The following TBC1D2 variants were observed in gnomAD, a reference collection of about 807,000 sequenced individuals.
TBC1D2 encodes TBC1 domain family member 2, also known as TBC1 domain family member 2A.
TBC1D2 carries 58 observed loss-of-function variants against 91.1 expected under a neutral mutation model. The observed-to-expected ratio is 0.64, with a 90% CI of 0.52 to 0.79. The LOEUF (loss-of-function observed/expected upper bound fraction) is 0.79, where lower values mean the gene tolerates loss of function less well. Among genes scored for constraint, TBC1D2 ranks in the 30% least tolerant of loss-of-function variants. The pLI, the probability that TBC1D2 is intolerant of heterozygous loss-of-function variation, is 0.00. For synonymous variants in TBC1D2, 482 were observed against 511.5 expected (o/e 0.94, Z 0.78); for missense variants, 1,080 against 1,208.3 (o/e 0.89, Z 1.57).
In TBC1D2 at chr9:98,209,153, A is replaced by C. The variant is rs533677222; in HGVS notation, c.1674-9T>G. ...CGTACTCATCATACTTACTGCCAGC[A>C]AAAGTGCACGTTAGCAACACCTTGC... On this transcript the variant is annotated splice_polypyrimidine_tract_variant and intron_variant, in intron 8 of 12. Coordinates refer to ENST00000465784, the MANE Select transcript of TBC1D2 (RefSeq NM_001267571.2). The C allele has an allele frequency of 6.2e-7, 1 of 1,603,578 alleles. No homozygotes were observed. Among genetic ancestry groups the C allele is most frequent in the East Asian group, 2.2e-5 (1 of 44,566 alleles).
At position 98,203,268 on chromosome 9, in the gene TBC1D2, C is replaced by G. The variant is rs183894637; in HGVS notation, c.2271+20G>C. ...GCACTGCCCTACATGGCTGCAAAGT[C>G]CCCTCCTGGCCCCACTTACCTGGGA... On this transcript the variant is annotated intron_variant, in intron 10 of 12. Transcript: ENST00000465784. The G allele has an allele frequency of 8.8e-5, 142 of 1,613,794 alleles. 2 individuals are homozygous for G. The Admixed American group carries it at 2.3e-3, about 26-fold the overall frequency.
intron 2 of TBC1D2, among the ~76,000 whole-genome samples, chr9:98,246,814 G>A (rs79830520): frequency 0.06 from 9,080 of 152,142 alleles, 340 homozygotes; most frequent in Middle Eastern, 0.13. Context: ...CAGACCCAGA[G>A]CTGAGTTTGC....
intron 5 of TBC1D2, among the ~76,000 whole-genome samples, chr9:98,223,928 G>A (rs1462731087): frequency 1.3e-5 from 2 of 152,174 alleles, no homozygotes; most frequent in Non-Finnish European, 2.9e-5. Context: ...GGCCGGGCGT[G>A]GTGGCTCACG....
At chr9:98,214,883 C>T (rs981738349) in intron 6 of TBC1D2, among the ~76,000 whole-genome samples, 2 of 152,202 alleles carry the variant, frequency 1.3e-5, no homozygotes, top group African/African-American at 4.8e-5. Context: ...TCACCCCTCA[C>T]CACTCCACGG....
chr9:98,218,587 A>T (rs1829024516), intron 6 of TBC1D2, among the ~76,000 whole-genome samples: 1 of 152,142 alleles, frequency 6.6e-6, no homozygotes, highest in Admixed American at 6.5e-5. Flanking sequence ...AATAAAAAAA[A>T]ATAAAATTCC....
chr9:98,224,783 G>C (rs1243449621), intron 5 of TBC1D2, among the ~76,000 whole-genome samples: 1 of 152,132 alleles, frequency 6.6e-6, no homozygotes, highest in African/African-American at 2.4e-5. Flanking sequence ...ATGGGCTTTG[G>C]AGTTGCACAG....
intron 8 of TBC1D2, among the ~76,000 whole-genome samples, chr9:98,209,760 C>CTTCCTTCCTTCT (rs1828773640): frequency 1.5e-5 from 1 of 65,544 alleles, no homozygotes; most frequent in Non-Finnish European, 3.8e-5. Context: ...CCTTCCTTTC[C>CTTCCTTCCTTCT]TTCCTTCCTT....
intron 5 of TBC1D2, among the ~76,000 whole-genome samples, chr9:98,224,448 A>G (rs1214406605): frequency 1.3e-5 from 2 of 151,394 alleles, no homozygotes; most frequent in Non-Finnish European, 2.9e-5. Context: ...TTGCCCAGCT[A>G]ATTATTTTAT....
Position 98,210,731 on chromosome 9 carries a change from C to G in TBC1D2, c.1598G>C (p.Arg533Thr). 2 of 1,592,646 alleles carry G rather than the reference C, an allele frequency of 1.3e-6. No homozygotes were observed. Among genetic ancestry groups the G allele is most frequent in the Non-Finnish European group, 1.7e-6 (2 of 1,169,462 alleles). Residue 533 changes from arginine to threonine, a missense_variant, in exon 8 of 13, where the codon AGG (arginine) becomes ACG (threonine). Transcript: ENST00000465784. ...DEASECSELL[R>T]QLVQEALQWE... ...CTGCAGTGCCTCCTGGACAAGCTGC[C>G]TCAGCAGCTCTGAGCACTCGCTGGC...
chr9:98,210,912 A>AGGCCTG, intron 7 of TBC1D2, 69 bp from the exon 8 acceptor site: 10 of 1,441,364 alleles, frequency 6.9e-6, no homozygotes, highest in Admixed American at 2.2e-5. Flanking sequence ...CTGAGGCCTG[A>AGGCCTG]ACAGCTTTAG....
chr9:98,213,201 G>C lies in TBC1D2; in HGVS notation c.1392C>G (p.Tyr464Ter). Residue 464 changes from tyrosine (Y) to a stop codon, truncating the protein, a stop_gained, in exon 7 of 13, where the codon TAC (tyrosine) becomes TAG (stop). Coordinates refer to ENST00000465784, the MANE Select transcript of TBC1D2 (RefSeq NM_001267571.2). LOFTEE classifies it high-confidence loss of function. Reference protein sequence around the residue: ...IEHLKDDMEAYRTQNCFLNSE... With the variant: ...IEHLKDDMEA ...AGTTGAGGAAGCAGTTCTGGGTCCGGTAAGCTTCCATGTCATCCTGGAGAA... is the reference window on the plus strand; with the variant it reads ...AGTTGAGGAAGCAGTTCTGGGTCCGCTAAGCTTCCATGTCATCCTGGAGAA... 6.2e-7 allele frequency: 1 copy of C among 1,614,180 alleles called. No individual in the cohort carries two copies. The highest frequency in any genetic ancestry group is 8.5e-7 in the Non-Finnish European group (1 of 1,180,024).
intron 4 of TBC1D2, among the ~76,000 whole-genome samples, chr9:98,232,194 G>C (rs79607443): frequency 0.017 from 2,612 of 152,162 alleles, 70 homozygotes; most frequent in African/African-American, 0.06. Context: ...TGCCGCACTG[G>C]CATGAAGTAA....
In TBC1D2 at chr9:98,233,567, C is replaced by G. The variant is rs1588054110; in HGVS notation, c.648-18G>C. 1 of 1,613,344 alleles carries G rather than the reference C, an allele frequency of 6.2e-7. No homozygotes were observed. The highest frequency in any genetic ancestry group is 8.5e-7 in the Non-Finnish European group (1 of 1,179,554). ...TTGTGTTCCTGAAAGGAGACAAGAA[C>G]AGAGGAGCATGAGGCTGAACCCTGC... On this transcript the variant is annotated intron_variant, in intron 3 of 12. Transcript: ENST00000465784.
intron 2 of TBC1D2, 63 bp downstream of exon 2, chr9:98,251,722 G>A (rs752609329): frequency 2.5e-4 from 365 of 1,484,210 alleles, no homozygotes; most frequent in Non-Finnish European, 3.2e-4. Flanking sequence ...TTCCCAGCAG[G>A]AGGGTAAAGG....
At chr9:98,234,583 TC>T (rs1386490527) in intron 3 of TBC1D2, 1 of 152,208 alleles carries the variant, frequency 6.6e-6, no homozygotes, top group Non-Finnish European at 1.5e-5. Context: ...CCTGCCTGCA[TC>T]CACCTGTGTT....
intron 3 of TBC1D2, among the ~76,000 whole-genome samples, chr9:98,239,424 C>T (rs1353651766): frequency 6.6e-6 from 1 of 152,196 alleles, no homozygotes; most frequent in African/African-American, 2.4e-5. Context: ...TCTCAGTCTA[C>T]TGAAATGATG....
At chr9:98,243,328 A>G (rs1184675951) in intron 3 of TBC1D2, among the ~76,000 whole-genome samples, 1 of 151,988 alleles carries the variant, frequency 6.6e-6, no homozygotes, top group Non-Finnish European at 1.5e-5. Flanking sequence ...AAATATACCA[A>G]ATGCTAAGAA....
intron 6 of TBC1D2, among the ~76,000 whole-genome samples, chr9:98,220,053 G>A (rs1829056889): frequency 6.6e-6 from 1 of 152,142 alleles, no homozygotes; most frequent in South Asian, 2.1e-4. Context: ...GGGTGGGGAA[G>A]CCTAGGGAAA....
intron 1 of TBC1D2, among the ~76,000 whole-genome samples, chr9:98,252,916 G>T (rs561672146): frequency 6.6e-6 from 1 of 152,112 alleles, no homozygotes; most frequent in African/African-American, 2.4e-5. Context: ...ATGCAGGGGG[G>T]AGTCTGTGAA....
Sources: allele counts gnomAD v4.1 joint callset (sites outside exome capture counted in the v4.1 genomes callset), GRCh38; gene constraint gnomAD v4.1.1; transcripts MANE v1.5; gene names NCBI Gene and HGNC (gene_info 2026-07-23, HGNC 2026-07-21).